The following APCDD1L variants were observed in gnomAD, a reference collection of about 807,000 sequenced individuals.
The protein encoded by APCDD1L is protein APCDD1-like.
APCDD1L carries 21 observed loss-of-function variants against 24.2 expected under a neutral mutation model. That is an observed-to-expected ratio of 0.87 (90% CI 0.61 to 1.25). The LOEUF (loss-of-function observed/expected upper bound fraction) is 1.25. APCDD1L is among the 50% of genes most tolerant of loss of function. The pLI, the probability that APCDD1L is intolerant of heterozygous loss-of-function variation, is 0.00. For missense variants in APCDD1L, 704 were observed against 711.7 expected (o/e 0.99, Z 0.12); for synonymous variants, 321 against 323.6 (o/e 0.99, Z 0.09).
chr20:58,500,412 G>A (rs1314970611), intron 1 of APCDD1L, among the ~76,000 whole-genome samples: 1 of 152,066 alleles, frequency 6.6e-6, no homozygotes, highest in Non-Finnish European at 1.5e-5. Flanking sequence ...GTGGGATCCC[G>A]GGGGTCATAT....
intron 3 of APCDD1L, among the ~76,000 whole-genome samples, chr20:58,465,753 C>T (rs1989693111): frequency 6.6e-6 from 1 of 152,224 alleles, no homozygotes; most frequent in Non-Finnish European, 1.5e-5. Flanking sequence ...GTCAGCAGAA[C>T]CTCTGACCTT....
intron 1 of APCDD1L, among the ~76,000 whole-genome samples, chr20:58,471,389 G>A (rs771477538): frequency 2.2e-4 from 34 of 152,250 alleles, no homozygotes; most frequent in African/African-American, 7.0e-4. Flanking sequence ...GCAGAGGCCC[G>A]GGCCGAGGTG....
At chr20:58,474,817 A>G (rs1430851333) in intron 1 of APCDD1L, among the ~76,000 whole-genome samples, 1 of 152,196 alleles carries the variant, frequency 6.6e-6, no homozygotes, top group Non-Finnish European at 1.5e-5. Flanking sequence ...CACCAACACG[A>G]TCTCATTCCA....
In APCDD1L at chr20:58,461,075, C is replaced by T. The variant is rs773349008; in HGVS notation, c.1221G>A (p.Pro407=). ...TCTTGAAAAGCTCGTACTCCACATG[C>T]GGGAGCCGGATGCCCAGCGGTAGGC... ...NGCLPLGIRL[P]HVEYELFKME... The change falls in exon 4 of 4, where the codon CCG becomes CCA. Residue 407 remains proline, a synonymous_variant. Coordinates refer to ENST00000371149, the MANE Select transcript of APCDD1L (RefSeq NM_153360.3). This position sits in a 1 kb window ranked among gnomAD's most constrained non-coding sequence, Gnocchi z 6.0. 21 of 1,614,030 alleles carry T rather than the reference C, an allele frequency of 1.3e-5. No homozygotes were observed. Among genetic ancestry groups the T allele is most frequent in the South Asian group, 4.4e-5 (4 of 91,078 alleles).
chr20:58,460,922 C>G lies in APCDD1L; in HGVS notation c.1374G>C (p.Glu458Asp). The G allele has an allele frequency of 6.2e-7, 1 of 1,612,402 alleles. No homozygotes were observed. The highest frequency in any genetic ancestry group is 8.5e-7 in the Non-Finnish European group (1 of 1,178,828). Residue 458 changes from glutamate to aspartate, a missense_variant, in exon 4 of 4, where the codon GAG (glutamate) becomes GAC (aspartate). Physicochemically the swap from Glu to Asp is conservative, Grantham distance 45. Transcript: ENST00000371149. The surrounding 1 kb of genome is among the most constrained non-coding windows in gnomAD (Gnocchi z 4.2). ...GCGGTGGCCTGGAGAAGTCGGGGGC[C>G]TCCCCATGACAGAGCACCAGGGGTG... Reference protein sequence around the residue: ...YQAPLVLCHGEAPDFSRPPQH... With the variant: ...YQAPLVLCHGDAPDFSRPPQH...
In APCDD1L at chr20:58,461,425, C is replaced by T. The variant is rs772584192; in HGVS notation, c.871G>A (p.Val291Met). The T allele has an allele frequency of 9.2e-6, 14 of 1,528,406 alleles. No homozygotes were observed. Among genetic ancestry groups the T allele is most frequent in the Non-Finnish European group, 2.6e-6 (3 of 1,134,522 alleles). 94.7% of individuals were successfully genotyped at this position (1,528,406 alleles called of 1,614,324 possible). A position where few individuals can be genotyped will look rare whatever the true frequency, so the allele number is the denominator to read the frequency against. Residue 291 changes from valine (V) to methionine (M), a missense_variant, in exon 4 of 4, where the codon GTG becomes ATG. Transcript: ENST00000371149. This position sits in a 1 kb window ranked among gnomAD's most constrained non-coding sequence, Gnocchi z 6.0. ...GGWWVSSGCE[V>M]RPAVLFLTRL... ...GTGAGGAACAGGACTGCTGGGCGCA[C>T]CTCGCACCCCGAGCTGACCCACCAG...
chr20:58,472,293 C>A (rs1465398535), intron 1 of APCDD1L, among the ~76,000 whole-genome samples: 1 of 152,192 alleles, frequency 6.6e-6, no homozygotes, highest in East Asian at 1.9e-4. Context: ...ACATTATTCC[C>A]ATCTGATCTT....
chr20:58,499,819 TC>T (rs1468296189), intron 1 of APCDD1L, among the ~76,000 whole-genome samples: 2 of 152,088 alleles, frequency 1.3e-5, no homozygotes, highest in Non-Finnish European at 2.9e-5. Flanking sequence ...TAGCCCCATC[TC>T]CCTCTCTGTC....
In APCDD1L at chr20:58,461,875, C is replaced by A; in HGVS notation, c.742-321G>T. The A allele has an allele frequency of 3.3e-6, 1 of 303,916 alleles. No homozygotes were observed. Among genetic ancestry groups the A allele is most frequent in the Non-Finnish European group, 6.0e-6 (1 of 165,658 alleles). The allele number at this position is 303,916 out of a possible 1,614,324, so 18.8% of individuals were successfully genotyped here. A position where few individuals can be genotyped will look rare whatever the true frequency, so the allele number is the denominator to read the frequency against. ...CCAGAGAGAGCTTTCCCGAATGCCC[C>A]ATGTAAGGTGGGCCTCAGGGCTGTC... On this transcript the variant is annotated intron_variant, in intron 3 of 3. Coordinates refer to ENST00000371149, the MANE Select transcript of APCDD1L (RefSeq NM_153360.3). The surrounding 1 kb of genome is among the most constrained non-coding windows in gnomAD (Gnocchi z 6.0).
rs1057109533 is a variant in APCDD1L, at chr20:58,507,952, C to T, written c.49+6707G>A. ...AAATCAAAACCACCAAGCATTGCCA[C>T]TGGCATGATTTTTAAGAAGTAATAA... On this transcript the variant is annotated intron_variant, in intron 1 of 3. Coordinates refer to ENST00000371149, the MANE Select transcript of APCDD1L (RefSeq NM_153360.3). 4.1e-4 allele frequency among the ~76,000 whole-genome samples: 63 copies of T among 152,356 alleles called. 1 individual carries two copies. Among genetic ancestry groups the T allele is most frequent in the African/African-American group, 1.3e-3 (52 of 41,582 alleles).
At chr20:58,482,575 C>T (rs1479639098) in intron 1 of APCDD1L, among the ~76,000 whole-genome samples, 3 of 151,986 alleles carry the variant, frequency 2.0e-5, no homozygotes, top group African/African-American at 7.2e-5. Flanking sequence ...CAAAGCGGTG[C>T]TAATTGGATG....
chr20:58,493,225 A>G (rs764117928), intron 1 of APCDD1L, among the ~76,000 whole-genome samples: 1 of 152,270 alleles, frequency 6.6e-6, no homozygotes, highest in African/African-American at 2.4e-5. Context: ...TGGAAACAAA[A>G]GTTTCAGGAA....
chr20:58,478,845 C>T (rs1440575394), intron 1 of APCDD1L, among the ~76,000 whole-genome samples: 1 of 151,824 alleles, frequency 6.6e-6, no homozygotes, highest in Non-Finnish European at 1.5e-5. Flanking sequence ...TCAGGGAGTT[C>T]CCAGCAGGCT....
rs141449987 is a variant in APCDD1L, at chr20:58,471,308, C to T, written c.50-561G>A. ...CGAGGCCACTCGCTTCAGGTCTCACCTGGTGCTGGGCACCTGCTATCTACT... is the reference window on the plus strand; with the variant it reads ...CGAGGCCACTCGCTTCAGGTCTCACTTGGTGCTGGGCACCTGCTATCTACT... On this transcript the variant is annotated intron_variant, in intron 1 of 3. Coordinates refer to ENST00000371149, the MANE Select transcript of APCDD1L (RefSeq NM_153360.3). Among the ~76,000 whole-genome samples, 282 of 152,358 alleles carry T rather than the reference C, an allele frequency of 1.9e-3. 9 individuals are homozygous for T. The South Asian group carries it at 0.029, about 16-fold the overall frequency.
intron 1 of APCDD1L, among the ~76,000 whole-genome samples, chr20:58,483,361 TG>T (rs1414212483): frequency 1.3e-5 from 2 of 150,456 alleles, no homozygotes; most frequent in Non-Finnish European, 2.9e-5. Context: ...TGAGATCAGG[TG>T]TATGCTTTGA....
chr20:58,491,323 C>T (rs868694647), intron 1 of APCDD1L, among the ~76,000 whole-genome samples: 2 of 152,252 alleles, frequency 1.3e-5, no homozygotes, highest in South Asian at 2.1e-4. Flanking sequence ...AAAATGATCA[C>T]TATTTGTAGA....
chr20:58,497,069 T>C lies in APCDD1L; in HGVS notation c.49+17590A>G, dbSNP rs983164961. Among the ~76,000 whole-genome samples the C allele has an allele frequency of 6.6e-6, 1 of 151,150 alleles. No homozygotes were observed. The highest frequency in any genetic ancestry group is 6.6e-5 in the Admixed American group (1 of 15,198). On this transcript the variant is annotated intron_variant, in intron 1 of 3. Transcript: ENST00000371149. The surrounding 1 kb of genome is among the most constrained non-coding windows in gnomAD (Gnocchi z 4.3). ...CCAGTGACAGGGGCCCTTTGAGGAG[T>C]GAGGCCATGCAGGGGACAGCTCGAG...
At chr20:58,503,167 T>C (rs1394547301) in intron 1 of APCDD1L, among the ~76,000 whole-genome samples, 2 of 152,226 alleles carry the variant, frequency 1.3e-5, no homozygotes, top group Non-Finnish European at 2.9e-5. Context: ...GGTTATGATC[T>C]TCTCAGAGAT....
chr20:58,474,194 C>T (rs1989865782), intron 1 of APCDD1L, among the ~76,000 whole-genome samples: 2 of 152,216 alleles, frequency 1.3e-5, no homozygotes, highest in South Asian at 4.1e-4. Flanking sequence ...CTCACAGCGG[C>T]AGCGTGTCAG....
Sources: gnomAD v4.1 joint callset for allele counts (sites outside exome capture counted in the v4.1 genomes callset) on GRCh38, gnomAD v4.1.1 for gene constraint, Gnocchi (gnomAD v3.1) non-coding constraint, MANE v1.5 for transcripts, NCBI Gene and HGNC (gene_info 2026-07-23, HGNC 2026-07-21) for gene names.